The following MYOCD variants were observed in gnomAD, a reference collection of about 807,000 sequenced individuals.
The protein encoded by MYOCD is myocardin.
A neutral mutation model predicts 96.1 loss-of-function variants in MYOCD; 32 were observed. That is an observed-to-expected ratio of 0.33 (90% confidence interval 0.25 to 0.45). The LOEUF (loss-of-function observed/expected upper bound fraction) is 0.45, where lower values mean the gene tolerates loss of function less well. Among genes scored for constraint, MYOCD ranks in the 20% least tolerant of loss-of-function variants. MYOCD has a pLI of 1.00. For synonymous variants in MYOCD, 469 were observed against 469.0 expected (o/e 1.00, Z 0.00); for missense variants, 1,133 against 1,200.6 (o/e 0.94, Z 0.83).
rs150406913 is a variant in MYOCD at position 12,745,675 on chromosome 17, G to A, written c.972-244G>A. Among the ~76,000 whole-genome samples the A allele has an allele frequency of 5.4e-4, 82 of 152,298 alleles. 1 individual carries two copies. Among genetic ancestry groups the A allele is most frequent in the Admixed American group, 1.4e-3 (21 of 15,296 alleles). On this transcript the variant is annotated intron_variant, in intron 8 of 13. Coordinates refer to ENST00000425538, the MANE Select transcript of MYOCD (RefSeq NM_001146312.3). ...GGACAGAGCATCAGCTGAATCACAG[G>A]TGGATGTGTCCTCTTTCATATGCCA...
At chr17:12,749,601 A>G (rs1313436505) in intron 9 of MYOCD, among the ~76,000 whole-genome samples, 1 of 146,728 alleles carries the variant, frequency 6.8e-6, no homozygotes, top group Non-Finnish European at 1.5e-5. Flanking sequence ...ATATGTGTGT[A>G]TATATATACA....
chr17:12,699,654 A>T (rs2030963621), intron 1 of MYOCD, among the ~76,000 whole-genome samples: 1 of 152,142 alleles, frequency 6.6e-6, no homozygotes, highest in Non-Finnish European at 1.5e-5. Flanking sequence ...TGTCAACTTT[A>T]TTATAACATA....
At position 12,765,618 on chromosome 17, in the gene MYOCD, G is replaced by A. The variant is rs183590601; in HGVS notation, c.*1974G>A. 1 of 152,298 alleles carries A rather than the reference G, an allele frequency of 6.6e-6. No individual in the cohort carries two copies. Among genetic ancestry groups the A allele is most frequent in the Admixed American group, 6.5e-5 (1 of 15,296 alleles). 9.4% of individuals were successfully genotyped at this position (152,298 alleles called of 1,614,324 possible). ...ATGTATCTCCAAAAGCGGCGTTACAGAGTTCTACACCAAAAGCCTTTAACC... is the reference window on the plus strand; with the variant it reads ...ATGTATCTCCAAAAGCGGCGTTACAAAGTTCTACACCAAAAGCCTTTAACC... On this transcript the variant is annotated 3_prime_UTR_variant, in exon 14 of 14. Transcript: ENST00000425538.
chr17:12,754,411 C>T (rs1488841256), intron 10 of MYOCD, among the ~76,000 whole-genome samples: 1 of 152,112 alleles, frequency 6.6e-6, no homozygotes, highest in African/African-American at 2.4e-5. Flanking sequence ...CGGAAATTTG[C>T]AACTTTAAAT....
At chr17:12,678,983 G>A (rs1170474294) in intron 1 of MYOCD, among the ~76,000 whole-genome samples, 1 of 152,120 alleles carries the variant, frequency 6.6e-6, no homozygotes, top group Non-Finnish European at 1.5e-5. Flanking sequence ...TTGTACAGAT[G>A]AGGTTACTGA....
intron 1 of MYOCD, among the ~76,000 whole-genome samples, chr17:12,683,596 G>A (rs1298937156): frequency 6.6e-6 from 1 of 152,062 alleles, no homozygotes; most frequent in Non-Finnish European, 1.5e-5. Flanking sequence ...CATACAAGCT[G>A]TTGTTAAGTA....
intron 7 of MYOCD, among the ~76,000 whole-genome samples, chr17:12,739,927 T>A (rs1266323218): frequency 6.6e-6 from 1 of 152,038 alleles, no homozygotes; most frequent in African/African-American, 2.4e-5. Context: ...TAGTGGTGAT[T>A]TTTTTTCTTT....
At chr17:12,689,449 G>GT (rs1395261921) in intron 1 of MYOCD, among the ~76,000 whole-genome samples, 1 of 152,174 alleles carries the variant, frequency 6.6e-6, no homozygotes, top group Non-Finnish European at 1.5e-5. Context: ...AGTAGAGACA[G>GT]ATTTGATGTT....
chr17:12,697,039 T>A (rs1385522283), intron 1 of MYOCD, among the ~76,000 whole-genome samples: 1 of 151,994 alleles, frequency 6.6e-6, no homozygotes, highest in Admixed American at 6.6e-5. Flanking sequence ...CTCGAAGACC[T>A]GCAGACAGAC....
At chr17:12,693,708 A>G (rs563778821) in intron 1 of MYOCD, among the ~76,000 whole-genome samples, 1 of 150,906 alleles carries the variant, frequency 6.6e-6, no homozygotes, top group Admixed American at 6.6e-5. Context: ...CAGACATGAA[A>G]ATATATATCA....
intron 2 of MYOCD, among the ~76,000 whole-genome samples, chr17:12,714,323 GCACACA>G (rs4054959): frequency 5.9e-4 from 80 of 136,130 alleles, no homozygotes; most frequent in Middle Eastern, 3.8e-3. Context: ...TGAGGCACGT[GCACACA>G]CACACACACA....
At chr17:12,737,445 G>A (rs926744983) in intron 6 of MYOCD, among the ~76,000 whole-genome samples, 6 of 152,148 alleles carry the variant, frequency 3.9e-5, no homozygotes, top group Non-Finnish European at 8.8e-5. Flanking sequence ...CTGTGAGGCC[G>A]AGCAACTGGT....
Position 12,752,915 on chromosome 17 carries a change from G to T in MYOCD, c.1627G>T (p.Glu543Ter), listed in dbSNP as rs2032898977. Residue 543 changes from glutamate to a stop codon, truncating the protein, a stop_gained, in exon 10 of 14, where the codon GAG (glutamate) becomes TAG (stop). Coordinates refer to ENST00000425538, the MANE Select transcript of MYOCD (RefSeq NM_001146312.3). LOFTEE classifies it high-confidence loss of function. Reference protein sequence around the residue: ...WKLQQEQRQVEELRMQLQKQK... With the variant: ...WKLQQEQRQV ...ACTCCAGCAAGAGCAGAGGCAGGTG[G>T]AGGAGCTGAGGATGCAGCTTCAGAA... 1 of 1,614,006 alleles carries T rather than the reference G, an allele frequency of 6.2e-7. No individual in the cohort carries two copies. The highest frequency in any genetic ancestry group is 1.7e-5 in the Admixed American group (1 of 59,992).
At chr17:12,745,475 C>T (rs530793978) in intron 8 of MYOCD, among the ~76,000 whole-genome samples, 116 of 152,280 alleles carry the variant, frequency 7.6e-4, no homozygotes, top group Non-Finnish European at 1.4e-3. Flanking sequence ...TCCCAAAGTG[C>T]TCGGATTACA....
Position 12,719,174 on chromosome 17 carries a change from C to CAAAAAAAAAAAAAAAAAAAAA in MYOCD, c.253+1763_253+1783dup, listed in dbSNP as rs71144920. ...GGGGCCACAGAGGGAGACTCTGTCT[C>CAAAAAAAAAAAAAAAAAAAAA]AAAAAAAAAAAAAAAAAAAAAAAAA... On this transcript the variant is annotated intron_variant, in intron 4 of 13. Coordinates refer to ENST00000425538, the MANE Select transcript of MYOCD (RefSeq NM_001146312.3). Among the ~76,000 whole-genome samples the CAAAAAAAAAAAAAAAAAAAAA allele has an allele frequency of 2.6e-4, 13 of 49,156 alleles. 1 individual carries two copies. The highest frequency in any genetic ancestry group is 2.9e-4 in the Non-Finnish European group (9 of 31,534). 32.2% of individuals were successfully genotyped at this position (49,156 alleles called of 152,430 possible).
At position 12,729,274 on chromosome 17, in the gene MYOCD, A is replaced by G. The variant is rs534351948; in HGVS notation, c.415+6266A>G. Among the ~76,000 whole-genome samples the G allele has an allele frequency of 2.6e-5, 4 of 152,290 alleles. No homozygotes were observed. In the East Asian group the frequency reaches 7.7e-4, roughly 29 times the overall value. On this transcript the variant is annotated intron_variant, in intron 5 of 13. Coordinates refer to ENST00000425538, the MANE Select transcript of MYOCD (RefSeq NM_001146312.3). ...ATACGTGACAAATACTTTGCTGAGG[A>G]TGGTTCTGGGAAAGAGTTGGGCAAG...
At position 12,736,161 on chromosome 17, in the gene MYOCD, G is replaced by A; in HGVS notation, c.416G>A (p.Gly139Asp). The A allele has an allele frequency of 6.2e-7, 1 of 1,613,736 alleles. No homozygotes were observed. Among genetic ancestry groups the A allele is most frequent in the Admixed American group, 1.7e-5 (1 of 59,974 alleles). ...AAGTTCCTGGATTTCACCCCCTCAGGTAACCAGGTGAGTTTCTCCAAATCC... is the reference window on the plus strand; with the variant it reads ...AAGTTCCTGGATTTCACCCCCTCAGATAACCAGGTGAGTTTCTCCAAATCC... ...VDSAVKEAIKGNQVSFSKSTD... is the reference protein window; with the variant it reads ...VDSAVKEAIKDNQVSFSKSTD... The change falls in exon 6 of 14, where the codon GGT becomes GAT. Residue 139 changes from glycine (G) to aspartate (D), a missense_variant and splice_region_variant. By Grantham distance (94) the Gly-to-Asp change is moderately conservative (BLOSUM62 -1). Coordinates refer to ENST00000425538, the MANE Select transcript of MYOCD (RefSeq NM_001146312.3).
chr17:12,763,231 G>A lies in MYOCD; in HGVS notation c.2548G>A (p.Asp850Asn), dbSNP rs756778183. 19 of 1,614,060 alleles carry A rather than the reference G, an allele frequency of 1.2e-5. No individual in the cohort carries two copies. In the East Asian group the frequency reaches 2.0e-4, roughly 17 times the overall value. Reference sequence around the variant, plus strand: ...GATCCCCTTTGATCCCTATGCCACCGACAGTGATGAGCATCTTGAAGTCTT... The same window carrying A: ...GATCCCCTTTGATCCCTATGCCACCAACAGTGATGAGCATCTTGAAGTCTT... ...SQIPFDPYAT[D>N]SDEHLEVLLN... The change falls in exon 14 of 14, where the codon GAC becomes AAC. Residue 850 changes from aspartate (D) to asparagine (N), a missense_variant. By Grantham distance (23) the Asp-to-Asn change is conservative. Coordinates refer to ENST00000425538, the MANE Select transcript of MYOCD (RefSeq NM_001146312.3).
intron 1 of MYOCD, among the ~76,000 whole-genome samples, chr17:12,687,369 C>G (rs950577843): frequency 6.6e-6 from 1 of 152,096 alleles, no homozygotes; most frequent in African/African-American, 2.4e-5. Flanking sequence ...TCAGTAAAAT[C>G]TGGGGAGTTA....
Sources: allele counts gnomAD v4.1 joint callset (sites outside exome capture counted in the v4.1 genomes callset), GRCh38; gene constraint gnomAD v4.1.1; transcripts MANE v1.5; gene names NCBI Gene and HGNC (gene_info 2026-07-23, HGNC 2026-07-21).